Variants in NEK1 observed in about 807,000 individuals in gnomAD.
NEK1 encodes the protein serine/threonine-protein kinase Nek1.
A neutral mutation model predicts 182.1 loss-of-function variants in NEK1; 137 were observed. The ratio of observed to expected loss-of-function variants is 0.75; its 90% CI spans 0.65 to 0.87. The LOEUF (loss-of-function observed/expected upper bound fraction) is 0.87, where lower values mean the gene tolerates loss of function less well. Among genes scored for constraint, NEK1 ranks in the 40% least tolerant of loss-of-function variants. The pLI is 0.00. For missense variants in NEK1, 1,391 were observed against 1,494.4 expected (o/e 0.93, Z 1.14); for synonymous variants, 513 against 492.2 (o/e 1.04, Z -0.56).
chr4:169,557,523 C>CG (rs1762323722), intron 16 of NEK1, among the ~76,000 whole-genome samples: 1 of 142,472 alleles, frequency 7.0e-6, no homozygotes, highest in African/African-American at 3.0e-5. Flanking sequence ...GAGTGGAAGC[C>CG]TTTAAAAAAA....
intron 31 of NEK1, among the ~76,000 whole-genome samples, chr4:169,423,130 A>T (rs1238392721): frequency 6.6e-6 from 1 of 152,142 alleles, no homozygotes; most frequent in Non-Finnish European, 1.5e-5. Flanking sequence ...TGAGACAGAG[A>T]CTCACTCTGT....
intron 31 of NEK1, among the ~76,000 whole-genome samples, chr4:169,419,941 C>A (rs112344087): frequency 1.2e-3 from 182 of 152,230 alleles, no homozygotes; most frequent in African/African-American, 4.0e-3. Flanking sequence ...GCTTGTGGAA[C>A]TGGAAGTTGC....
At chr4:169,588,536 T>C in intron 8 of NEK1, 113 bp downstream of exon 8, 1 of 592,152 alleles carries the variant, frequency 1.7e-6, no homozygotes, top group East Asian at 2.9e-5. Flanking sequence ...TATATACATA[T>C]GTGTTTACAT....
intron 28 of NEK1, among the ~76,000 whole-genome samples, chr4:169,434,716 C>T (rs1324657129): frequency 5.3e-5 from 8 of 152,170 alleles, no homozygotes; most frequent in Non-Finnish European, 1.2e-4. Flanking sequence ...ACATACTTCT[C>T]CATTTTTAAA....
intron 18 of NEK1, among the ~76,000 whole-genome samples, chr4:169,545,478 C>G (rs1760262478): frequency 6.7e-6 from 1 of 149,612 alleles, no homozygotes; most frequent in South Asian, 2.1e-4. Context: ...GGTTCCAAGT[C>G]TTTGCTATTG....
intron 23 of NEK1, among the ~76,000 whole-genome samples, chr4:169,484,434 T>G (rs1413231007): frequency 6.6e-6 from 1 of 152,174 alleles, no homozygotes; most frequent in African/African-American, 2.4e-5. Flanking sequence ...TTAAAATACA[T>G]ATTAATACCT....
At chr4:169,582,998 A>C (rs772958498) in intron 10 of NEK1, among the ~76,000 whole-genome samples, 8 of 152,174 alleles carry the variant, frequency 5.3e-5, no homozygotes, top group Non-Finnish European at 8.8e-5. Context: ...CAAGACTGAA[A>C]ACTAGGCCCT....
intron 26 of NEK1, among the ~76,000 whole-genome samples, chr4:169,473,911 GACC>G (rs1158658610): frequency 6.6e-6 from 1 of 152,170 alleles, no homozygotes; most frequent in East Asian, 1.9e-4. Context: ...GGTCTATAGT[GACC>G]ATGAAAAGAA....
At chr4:169,589,173 T>C (rs776799993) in intron 7 of NEK1, among the ~76,000 whole-genome samples, 11 of 152,214 alleles carry the variant, frequency 7.2e-5, no homozygotes, top group Admixed American at 2.0e-4. Flanking sequence ...GTACAGAACA[T>C]GCTGTACCGG....
Position 169,417,996 on chromosome 4 carries a change from T to C in NEK1, c.3222+6557A>G, listed in dbSNP as rs572840146. On this transcript the variant is annotated intron_variant, in intron 31 of 35. Transcript: ENST00000507142. ...TTCAAAACTTTGCAAGGTAGTTTTC[T>C]TGAGTCTTTGATGAGCACAGGCCAT... Among the ~76,000 whole-genome samples, 14 of 152,320 alleles carry C rather than the reference T, an allele frequency of 9.2e-5. No homozygotes were observed. The South Asian group carries it at 2.3e-3, about 25-fold the overall frequency.
chr4:169,557,296 C>T (rs1490222864), intron 16 of NEK1, among the ~76,000 whole-genome samples: 2 of 151,966 alleles, frequency 1.3e-5, no homozygotes, highest in African/African-American at 4.8e-5. Context: ...AAAGACTCAA[C>T]CACCGAGACA....
At chr4:169,403,203 T>C (rs1020422392) in intron 32 of NEK1, among the ~76,000 whole-genome samples, 1 of 152,162 alleles carries the variant, frequency 6.6e-6, no homozygotes, top group Non-Finnish European at 1.5e-5. Context: ...AAGCATCTAA[T>C]TAGAATGAGA....
At position 169,477,579 on chromosome 4, in the gene NEK1, T is replaced by C. The variant is rs1007209171; in HGVS notation, c.2140-82A>G. The C allele has an allele frequency of 7.4e-6, 8 of 1,086,510 alleles. No individual in the cohort carries two copies. The East Asian group carries it at 2.1e-4, about 29-fold the overall frequency. The allele number at this position is 1,086,510 out of a possible 1,614,324, so 67.3% of individuals were successfully genotyped here. On this transcript the variant is annotated intron_variant, in intron 24 of 35. Transcript: ENST00000507142. ...TTAAAAATATTACATCCTCGTTACTTTTTGGTTTTCATTAATTTGTTCCTT... is the reference window on the plus strand; with the variant it reads ...TTAAAAATATTACATCCTCGTTACTCTTTGGTTTTCATTAATTTGTTCCTT...
intron 23 of NEK1, among the ~76,000 whole-genome samples, chr4:169,479,897 G>A (rs1423864671): frequency 1.3e-5 from 2 of 151,958 alleles, no homozygotes; most frequent in African/African-American, 4.8e-5. Flanking sequence ...TGCAGGTTTG[G>A]GTACAATCTT....
At chr4:169,599,608 C>T (rs920458798) in intron 4 of NEK1, among the ~76,000 whole-genome samples, 7 of 152,118 alleles carry the variant, frequency 4.6e-5, no homozygotes, top group African/African-American at 1.4e-4. Flanking sequence ...TAATTCTCTG[C>T]TTTGTTTTAT....
chr4:169,568,085 A>G (rs1290073006), intron 12 of NEK1, among the ~76,000 whole-genome samples: 1 of 152,248 alleles, frequency 6.6e-6, no homozygotes, highest in Non-Finnish European at 1.5e-5. Context: ...TCATTTATCC[A>G]GATTCACCAA....
chr4:169,451,164 TA>T (rs1317604929), intron 27 of NEK1, among the ~76,000 whole-genome samples: 1 of 152,134 alleles, frequency 6.6e-6, no homozygotes, highest in Non-Finnish European at 1.5e-5. Context: ...CAAAGAGACT[TA>T]GACTCCCACA....
At chr4:169,479,315 C>A in intron 24 of NEK1, 88 bp downstream of exon 24, 1 of 1,353,426 alleles carries the variant, frequency 7.4e-7, no homozygotes, top group Non-Finnish European at 1.0e-6. Flanking sequence ...CTGAAAGGGA[C>A]ATTAGGGATT....
chr4:169,538,582 T>C (rs1165007101), intron 18 of NEK1, among the ~76,000 whole-genome samples: 1 of 152,198 alleles, frequency 6.6e-6, no homozygotes, highest in Non-Finnish European at 1.5e-5. Flanking sequence ...GCATCTACTA[T>C]ATATTGTGTT....
Sources: allele counts gnomAD v4.1 joint callset (sites outside exome capture counted in the v4.1 genomes callset), GRCh38; gene constraint gnomAD v4.1.1; transcripts MANE v1.5; gene names NCBI Gene and HGNC (gene_info 2026-07-23, HGNC 2026-07-21).